Variants in GAS7 observed in about 807,000 individuals in gnomAD.
GAS7 encodes growth arrest specific 7.
A neutral mutation model predicts 71.1 loss-of-function variants in GAS7; 28 were observed. The ratio of observed to expected loss-of-function variants is 0.39; its 90% CI spans 0.29 to 0.54. The LOEUF is 0.54. Ranked by LOEUF, GAS7 falls within the 20% of genes least tolerant of loss-of-function variation. The pLI, the probability that GAS7 is intolerant of heterozygous loss-of-function variation, is 0.62. For missense variants in GAS7, 436 were observed against 627.8 expected, an observed-to-expected ratio of 0.69 and a Z score of 3.27; for synonymous variants, 258 against 245.8, an observed-to-expected ratio of 1.05 and a Z score of -0.46.
chr17:9,963,474 G>A (rs532566744), intron 4 of GAS7, among the ~76,000 whole-genome samples: 224 of 152,248 alleles, frequency 1.5e-3, no homozygotes, highest in African/African-American at 5.2e-3. Flanking sequence ...GTTTTTTGGT[G>A]GGGGAAGAGA....
chr17:10,161,887 A>AC (rs2074259002), intron 1 of GAS7, among the ~76,000 whole-genome samples: 1 of 151,634 alleles, frequency 6.6e-6, no homozygotes, highest in African/African-American at 2.4e-5. Flanking sequence ...ACGCGGTGAA[A>AC]CCCCGTCTCT....
intron 1 of GAS7, among the ~76,000 whole-genome samples, chr17:10,171,456 C>T (rs926773979): frequency 1.3e-5 from 2 of 152,192 alleles, no homozygotes; most frequent in Admixed American, 1.3e-4. Flanking sequence ...TCCCTTGAAG[C>T]GTCTCTGAAG....
At chr17:10,041,174 A>AAAAAAAAAAG (rs1555528019) in intron 1 of GAS7, among the ~76,000 whole-genome samples, 2 of 151,044 alleles carry the variant, frequency 1.3e-5, no homozygotes, top group African/African-American at 4.9e-5. Context: ...AAAAAAAAAA[A>AAAAAAAAAAG]AAGAAGAAGG....
At chr17:10,125,080 A>AGG (rs1555535277) in intron 1 of GAS7, among the ~76,000 whole-genome samples, 128 of 149,738 alleles carry the variant, frequency 8.5e-4, no homozygotes, top group South Asian at 1.3e-3. Context: ...AAAAAAAAAA[A>AGG]GGGGGGGTGT....
At chr17:10,106,102 T>C (rs186400786) in intron 1 of GAS7, among the ~76,000 whole-genome samples, 1 of 152,270 alleles carries the variant, frequency 6.6e-6, no homozygotes, top group East Asian at 1.9e-4. Flanking sequence ...CCTACTAACA[T>C]TCCTCTTGTC....
chr17:10,107,975 T>A (rs1421868531), intron 1 of GAS7, among the ~76,000 whole-genome samples: 1 of 151,780 alleles, frequency 6.6e-6, no homozygotes, highest in East Asian at 1.9e-4. Context: ...GAGAACCACC[T>A]TACACACAGT....
chr17:10,139,378 T>C (rs2074063559), intron 1 of GAS7, among the ~76,000 whole-genome samples: 1 of 152,206 alleles, frequency 6.6e-6, no homozygotes. Flanking sequence ...CTTAATTATG[T>C]AGAGATATTA....
chr17:9,971,877 G>A (rs918060091), intron 3 of GAS7, among the ~76,000 whole-genome samples: 1 of 152,180 alleles, frequency 6.6e-6, no homozygotes, highest in Non-Finnish European at 1.5e-5. Flanking sequence ...CTGGAGGCAA[G>A]CGTTGGGCAA....
chr17:9,971,130 C>T (rs1405780131), intron 3 of GAS7, among the ~76,000 whole-genome samples: 1 of 152,196 alleles, frequency 6.6e-6, no homozygotes, highest in Admixed American at 6.5e-5. Flanking sequence ...GGTGCGGTAG[C>T]TCACGCCTAT....
intron 1 of GAS7, among the ~76,000 whole-genome samples, chr17:10,036,184 C>T (rs2072745963): frequency 6.6e-6 from 1 of 152,132 alleles, no homozygotes; most frequent in Non-Finnish European, 1.5e-5. Flanking sequence ...CTTTCTCCTC[C>T]TCCCATCCGC....
chr17:10,101,308 T>C (rs915963338), intron 1 of GAS7, among the ~76,000 whole-genome samples: 3 of 152,236 alleles, frequency 2.0e-5, no homozygotes, highest in African/African-American at 4.8e-5. Flanking sequence ...TGTTGAGGCA[T>C]TTGTTAGTTT....
chr17:10,183,844 G>GAA (rs796270979), intron 1 of GAS7, among the ~76,000 whole-genome samples: 58 of 142,698 alleles, frequency 4.1e-4, no homozygotes, highest in African/African-American at 1.2e-3. Flanking sequence ...TCCGTCTCAG[G>GAA]AAAAAAAAAA....
At chr17:10,140,340 T>A (rs2074070081) in intron 1 of GAS7, among the ~76,000 whole-genome samples, 1 of 152,014 alleles carries the variant, frequency 6.6e-6, no homozygotes, top group East Asian at 1.9e-4. Context: ...GGCATGCCTG[T>A]GGTTTCAGCT....
chr17:9,960,420 C>T (rs376625083), intron 4 of GAS7, among the ~76,000 whole-genome samples: 2 of 152,142 alleles, frequency 1.3e-5, no homozygotes, highest in African/African-American at 4.8e-5. Flanking sequence ...GAACTTTTGA[C>T]CTCAGGCGAT....
chr17:9,951,484 C>A (rs1299357522), intron 5 of GAS7, among the ~76,000 whole-genome samples: 1 of 152,244 alleles, frequency 6.6e-6, no homozygotes, highest in Admixed American at 6.5e-5. Flanking sequence ...TGGCCAGGTG[C>A]GGTGGCTCAT....
intron 1 of GAS7, among the ~76,000 whole-genome samples, chr17:10,122,499 T>C (rs1423619576): frequency 6.6e-6 from 1 of 151,974 alleles, no homozygotes; most frequent in Non-Finnish European, 1.5e-5. Context: ...CAACAACAAC[T>C]CCCTAGCAGA....
At chr17:10,076,674 T>A (rs2073397256) in intron 1 of GAS7, among the ~76,000 whole-genome samples, 1 of 152,142 alleles carries the variant, frequency 6.6e-6, no homozygotes, top group African/African-American at 2.4e-5. Context: ...GGATATGCCA[T>A]CACAAAACAT....
intron 1 of GAS7, among the ~76,000 whole-genome samples, chr17:10,094,039 G>C (rs1169102486): frequency 6.6e-6 from 1 of 152,158 alleles, no homozygotes; most frequent in Non-Finnish European, 1.5e-5. Flanking sequence ...GCAAATAGGG[G>C]ACAACTCTTT....
chr17:10,055,505 T>C (rs1009547449), intron 1 of GAS7, among the ~76,000 whole-genome samples: 8 of 152,114 alleles, frequency 5.3e-5, no homozygotes, highest in Non-Finnish European at 1.0e-4. Flanking sequence ...GCACTGCACA[T>C]CAGCTTCCCA....
Sources: allele counts gnomAD v4.1 joint callset (sites outside exome capture counted in the v4.1 genomes callset), GRCh38; gene constraint gnomAD v4.1.1; transcripts MANE v1.5; gene names NCBI Gene and HGNC (gene_info 2026-07-23, HGNC 2026-07-21).